The following SOD1 variants were observed in gnomAD, a reference collection of about 807,000 sequenced individuals.
SOD1 encodes superoxide dismutase [Cu-Zn].
A neutral mutation model predicts 15.9 loss-of-function variants in SOD1; 8 were observed. That is an observed-to-expected ratio of 0.50 (90% CI 0.30 to 0.91). The LOEUF (loss-of-function observed/expected upper bound fraction) is 0.91, where lower values mean the gene tolerates loss of function less well. SOD1 is among the 40% of genes least tolerant of loss of function. SOD1 has a pLI of 0.07. For synonymous variants in SOD1, 86 were observed against 71.2 expected (o/e 1.21, Z -1.04); for missense variants, 137 against 194.5 (o/e 0.70, Z 1.76).
At chr21:31,662,334 A>T (rs2049554979) in intron 1 of SOD1, among the ~76,000 whole-genome samples, 1 of 151,956 alleles carries the variant, frequency 6.6e-6, no homozygotes, top group Non-Finnish European at 1.5e-5. Context: ...TTGCCAGGAT[A>T]CTTCATTTGA....
At chr21:31,666,569 A>C (rs753778444) in intron 3 of SOD1, 51 bp downstream of exon 3, 1 of 1,280,254 alleles carries the variant, frequency 7.8e-7, no homozygotes, top group Non-Finnish European at 1.1e-6. Context: ...TCTGGAGTTC[A>C]TATGGTATAC....
intron 3 of SOD1, 172 bp downstream of exon 3, chr21:31,666,690 G>T: frequency 1.5e-6 from 1 of 666,142 alleles, no homozygotes; most frequent in South Asian, 1.6e-5. Flanking sequence ...TTACTTCCTG[G>T]GCTTAAAGGA....
Position 31,659,784 on chromosome 21 carries a change from C to A in SOD1, c.15C>A (p.Ala5=). MATK[A]VCVLKGDGPV... Reference sequence around the variant, plus strand: ...CCTAGCGAGTTATGGCGACGAAGGCCGTGTGCGTGCTGAAGGGCGACGGCC... The same window carrying A: ...CCTAGCGAGTTATGGCGACGAAGGCAGTGTGCGTGCTGAAGGGCGACGGCC... The change falls in exon 1 of 5, where the codon GCC becomes GCA. Residue 5 remains alanine (A), a synonymous_variant. Coordinates refer to ENST00000270142, the MANE Select transcript of SOD1 (RefSeq NM_000454.5). 1 of 1,613,918 alleles carries A rather than the reference C, an allele frequency of 6.2e-7. No individual in the cohort carries two copies. The highest frequency in any genetic ancestry group is 8.5e-7 in the Non-Finnish European group (1 of 1,179,908).
At chr21:31,667,029 G>T (rs573641876) in intron 3 of SOD1, 1 of 582,168 alleles carries the variant, frequency 1.7e-6, no homozygotes, top group East Asian at 3.0e-5. Flanking sequence ...GCATAACTCA[G>T]TAACTGAGAG....
chr21:31,660,599 G>C (rs1267332361), intron 1 of SOD1: 1 of 152,114 alleles, frequency 6.6e-6, no homozygotes, highest in Non-Finnish European at 1.5e-5. Context: ...GGATTTTTGA[G>C]GGCAGTGATC....
Position 31,668,839 on chromosome 21 carries a change from T to C in SOD1, c.*261T>C. On this transcript the variant is annotated 3_prime_UTR_variant, in exon 5 of 5. Transcript: ENST00000270142. ...CTTAAATCACAGATGGGTATTAAACTTGTCAGAATTTCTTTGTCATTCAAG... is the reference window on the plus strand; with the variant it reads ...CTTAAATCACAGATGGGTATTAAACCTGTCAGAATTTCTTTGTCATTCAAG... The C allele has an allele frequency of 9.4e-6, 4 of 425,494 alleles. No individual in the cohort carries two copies. The highest frequency in any genetic ancestry group is 4.9e-5 in the South Asian group (2 of 40,668). 26.4% of individuals were successfully genotyped at this position (425,494 alleles called of 1,614,324 possible). A position where few individuals can be genotyped will look rare whatever the true frequency, so the allele number is the denominator to read the frequency against.
intron 1 of SOD1, 75 bp downstream of exon 1, chr21:31,659,916 C>A: frequency 6.7e-7 from 1 of 1,499,808 alleles, no homozygotes; most frequent in Non-Finnish European, 9.2e-7. Flanking sequence ...TTGCTAGGAG[C>A]GGGTCGCCCG....
chr21:31,659,822 T>C lies in SOD1; in HGVS notation c.53T>C (p.Ile18Thr). Reference sequence around the variant, plus strand: ...AAGGGCGACGGCCCAGTGCAGGGCATCATCAATTTCGAGCAGAAGGCAAGG... The same window carrying C: ...AAGGGCGACGGCCCAGTGCAGGGCACCATCAATTTCGAGCAGAAGGCAAGG... The part of the protein sequence containing the change: ...VLKGDGPVQG[I>T]INFEQKESNG... Residue 18 changes from isoleucine (I) to threonine (T), a missense_variant, in exon 1 of 5, where the codon ATC (isoleucine) becomes ACC (threonine). Physicochemically the swap from Ile to Thr is moderately conservative, Grantham distance 89. Coordinates refer to ENST00000270142, the MANE Select transcript of SOD1 (RefSeq NM_000454.5). 6.2e-7 allele frequency: 1 copy of C among 1,613,688 alleles called. No individual in the cohort carries two copies. Among genetic ancestry groups the C allele is most frequent in the Non-Finnish European group, 8.5e-7 (1 of 1,179,854 alleles).
chr21:31,660,028 G>T, intron 1 of SOD1, 187 bp downstream of exon 1: 1 of 368,542 alleles, frequency 2.7e-6, no homozygotes, highest in Non-Finnish European at 4.7e-6. Context: ...CTGAGTCACC[G>T]GGCGGGCCCG....
chr21:31,661,114 CATG>C (rs1212730821), intron 1 of SOD1, among the ~76,000 whole-genome samples: 6 of 152,170 alleles, frequency 3.9e-5, no homozygotes, highest in Admixed American at 1.3e-4. Context: ...GCTTAAAAAT[CATG>C]AGGGAATATT....
intron 2 of SOD1, 116 bp downstream of exon 2, chr21:31,664,002 T>C (rs1214990600): frequency 2.6e-6 from 2 of 773,376 alleles, no homozygotes; most frequent in African/African-American, 3.4e-5. Flanking sequence ...GAAAGGGTCT[T>C]GCTCTGTCGC....
In SOD1 at chr21:31,665,630, TG is replaced by T. The variant is rs1480238352; in HGVS notation, c.170-817del. Among the ~76,000 whole-genome samples, 8 of 152,284 alleles carry T rather than the reference TG, an allele frequency of 5.3e-5. No individual in the cohort carries two copies. In the East Asian group the frequency reaches 1.5e-3, roughly 29 times the overall value. The stretch of plus-strand genomic sequence containing the variant: ...GTTGTGCTCTGTGAATGTCATCCCC[TG>T]GTGCACAGCAGCACCTTCTACACAG... On this transcript the variant is annotated intron_variant, in intron 2 of 4. Transcript: ENST00000270142.
Position 31,662,191 on chromosome 21 carries a change from GT to G in SOD1, c.73-1594del, listed in dbSNP as rs1342429129. On this transcript the variant is annotated intron_variant, in intron 1 of 4. Coordinates refer to ENST00000270142, the MANE Select transcript of SOD1 (RefSeq NM_000454.5). ...AAATGGAGGTTTCAAAGAACCTGCT[GT>G]TTTTGGCCCTGTGCTCTTGATAACA... Among the ~76,000 whole-genome samples the G allele has an allele frequency of 2.0e-5, 3 of 152,206 alleles. No individual in the cohort carries two copies. In the East Asian group the frequency reaches 5.8e-4, roughly 29 times the overall value.
chr21:31,662,830 C>T (rs1199093709), intron 1 of SOD1, among the ~76,000 whole-genome samples: 1 of 151,986 alleles, frequency 6.6e-6, no homozygotes, highest in African/African-American at 2.4e-5. Flanking sequence ...CTGGCTAACA[C>T]GGTGAAACCC....
chr21:31,668,099 C>G (rs1480457226), intron 4 of SOD1, among the ~76,000 whole-genome samples: 2 of 152,084 alleles, frequency 1.3e-5, no homozygotes, highest in Non-Finnish European at 2.9e-5. Flanking sequence ...TATTCACTTT[C>G]ACTTTCCTTT....
In SOD1 at chr21:31,666,475, AATCCTCT is replaced by A. The variant is rs1283021712; in HGVS notation, c.201_207del (p.Leu68GlufsTer19). The A allele has an allele frequency of 1.9e-6, 3 of 1,612,998 alleles. No homozygotes were observed. In the Admixed American group the frequency reaches 5.0e-5, roughly 27 times the overall value. On this transcript the variant is annotated frameshift_variant, in exon 3 of 5. Coordinates refer to ENST00000270142, the MANE Select transcript of SOD1 (RefSeq NM_000454.5). LOFTEE classifies it high-confidence loss of function. ...CTGTACCAGTGCAGGTCCTCACTTTAATCCTCTATCCAGAAAACACGGTGGGCCAAAG... is the reference window on the plus strand; with the variant it reads ...CTGTACCAGTGCAGGTCCTCACTTTAATCCAGAAAACACGGTGGGCCAAAG...
Position 31,659,742 on chromosome 21 carries a change from C to G in SOD1, c.-28C>G, listed in dbSNP as rs771010834. The G allele has an allele frequency of 3.1e-6, 5 of 1,613,446 alleles. No individual in the cohort carries two copies. The Admixed American group carries it at 5.0e-5, about 16-fold the overall frequency. On this transcript the variant is annotated 5_prime_UTR_variant, in exon 1 of 5. Coordinates refer to ENST00000270142, the MANE Select transcript of SOD1 (RefSeq NM_000454.5). ...GGGGTTTCCGTTGCAGTCCTCGGAA[C>G]CAGGACCTCGGCGTGGCCTAGCGAG...
rs906695375 is a variant in SOD1, at chr21:31,659,712, C to G, written c.-58C>G. Reference sequence around the variant, plus strand: ...TGGTTTGCGTCGTAGTCTCCTGCAGCGTCTGGGGTTTCCGTTGCAGTCCTC... The same window carrying G: ...TGGTTTGCGTCGTAGTCTCCTGCAGGGTCTGGGGTTTCCGTTGCAGTCCTC... On this transcript the variant is annotated 5_prime_UTR_variant, in exon 1 of 5. Transcript: ENST00000270142. 2 of 1,564,752 alleles carry G rather than the reference C, an allele frequency of 1.3e-6. No homozygotes were observed. Among genetic ancestry groups the G allele is most frequent in the South Asian group, 2.2e-5 (2 of 90,058 alleles).
intron 4 of SOD1, among the ~76,000 whole-genome samples, chr21:31,667,602 G>C (rs1453241092): frequency 3.3e-5 from 5 of 152,188 alleles, no homozygotes; most frequent in African/African-American, 1.2e-4. Context: ...GGTTACATTT[G>C]ACCATATTAG....
Sources: gnomAD v4.1 joint callset for allele counts (sites outside exome capture counted in the v4.1 genomes callset) on GRCh38, gnomAD v4.1.1 for gene constraint, MANE v1.5 for transcripts, NCBI Gene and HGNC (gene_info 2026-07-23, HGNC 2026-07-21) for gene names.